The following SPATA13 variants were observed in gnomAD, a reference collection of about 807,000 sequenced individuals.
SPATA13 encodes spermatogenesis associated 13.
SPATA13 carries 50 observed loss-of-function variants against 104.0 expected under a neutral mutation model. The observed-to-expected ratio is 0.48, with a 90% CI of 0.38 to 0.61. SPATA13 has a LOEUF of 0.61. Ranked by LOEUF, SPATA13 falls within the 20% of genes least tolerant of loss-of-function variation. SPATA13 has a pLI of 0.00. For missense variants in SPATA13, 1,524 were observed against 1,690.6 expected (o/e 0.90, Z 1.73); for synonymous variants, 606 against 667.5 (o/e 0.91, Z 1.42).
chr13:24,291,757 T>TTTG (rs1555277167), intron 9 of SPATA13, among the ~76,000 whole-genome samples: 1 of 80,008 alleles, frequency 1.2e-5, no homozygotes, highest in African/African-American at 5.5e-5. Context: ...TATTTTTTTA[T>TTTG]TTTTTTTTTT....
chr13:24,031,642 G>A (rs1877485534), intron 3 of SPATA13, among the ~76,000 whole-genome samples: 2 of 152,176 alleles, frequency 1.3e-5, no homozygotes, highest in Admixed American at 1.3e-4. Context: ...CATACATTGA[G>A]CTTATGTCAG....
chr13:24,177,515 T>C (rs4624011), intron 1 of SPATA13, among the ~76,000 whole-genome samples: 117,118 of 152,180 alleles, frequency 0.77, 47,787 homozygotes, highest in East Asian at 0.92. Context: ...GACACAGTCT[T>C]ACTCTGCAAT....
At chr13:24,103,742 G>A (rs1176347855) in intron 3 of SPATA13, among the ~76,000 whole-genome samples, 1 of 152,116 alleles carries the variant, frequency 6.6e-6, no homozygotes, top group African/African-American at 2.4e-5. Flanking sequence ...AGGGAAAGAA[G>A]GGAGGAAGGA....
chr13:24,140,515 G>A (rs112623675), intron 3 of SPATA13, among the ~76,000 whole-genome samples: 1 of 152,188 alleles, frequency 6.6e-6, no homozygotes, highest in Admixed American at 6.5e-5. Context: ...CAAGGGTCAC[G>A]TGCAGAAGCA....
Position 24,178,324 on chromosome 13 carries a change from G to C in SPATA13, c.-112+17392G>C, listed in dbSNP as rs76220971. ...AAATACTTGTGGAATTAGCAGAAAT[G>C]TATTGAACTGCATTATGATACGGCT... is the stretch of plus-strand genomic sequence containing the variant. On this transcript the variant is annotated intron_variant, in intron 1 of 12. Coordinates refer to ENST00000382108, the MANE Select transcript of SPATA13 (RefSeq NM_001166271.3). 2.0e-3 allele frequency among the ~76,000 whole-genome samples: 301 copies of C among 152,304 alleles called. 8 individuals carry two copies. The East Asian group carries it at 0.05, about 25-fold the overall frequency.
At position 24,088,468 on chromosome 13, in the gene SPATA13, A is replaced by G. The variant is rs1294593319; in HGVS notation, c.-112+70767A>G. The stretch of plus-strand genomic sequence containing the variant: ...AGAACCCAAGCCCATCACCCTGGAC[A>G]TTGACACTTCTCTTAGGGAAACACT... On this transcript the variant is annotated intron_variant, in intron 3 of 14. Coordinates refer to the SPATA13 transcript ENST00000424834. The surrounding 1 kb of genome is among the most constrained non-coding windows in gnomAD (Gnocchi z 4.3). 6.6e-6 allele frequency among the ~76,000 whole-genome samples: 1 copy of G among 152,144 alleles called. No homozygotes were observed. Among genetic ancestry groups the G allele is most frequent in the African/African-American group, 2.4e-5 (1 of 41,438 alleles).
intron 3 of SPATA13, among the ~76,000 whole-genome samples, chr13:24,021,038 C>T (rs1244080202): frequency 6.6e-6 from 1 of 152,172 alleles, no homozygotes; most frequent in East Asian, 1.9e-4. Flanking sequence ...GAGACTCCAT[C>T]TCAATAAATA....
At chr13:24,131,081 A>G (rs528195314) in intron 3 of SPATA13, among the ~76,000 whole-genome samples, 2 of 152,244 alleles carry the variant, frequency 1.3e-5, no homozygotes, top group Non-Finnish European at 2.9e-5. Context: ...AGGAAATTCA[A>G]GAGATTTTCA....
intron 3 of SPATA13, among the ~76,000 whole-genome samples, chr13:24,047,059 G>A (rs925638421): frequency 6.6e-6 from 1 of 152,126 alleles, no homozygotes; most frequent in African/African-American, 2.4e-5. Context: ...CTGCTGATTG[G>A]TTGGGGATGA....
chr13:24,290,001 C>T (rs1008522370), intron 8 of SPATA13, among the ~76,000 whole-genome samples: 5 of 152,114 alleles, frequency 3.3e-5, no homozygotes, highest in African/African-American at 9.7e-5. Flanking sequence ...CCATGTGTGA[C>T]GTGGGCATAT....
At chr13:24,019,417 A>G (rs1283452281) in intron 3 of SPATA13, among the ~76,000 whole-genome samples, 2 of 152,192 alleles carry the variant, frequency 1.3e-5, no homozygotes, top group African/African-American at 4.8e-5. Flanking sequence ...GAAAAACAGT[A>G]TATAGTTTTA....
chr13:24,027,133 C>T (rs762013450), intron 3 of SPATA13, among the ~76,000 whole-genome samples: 10 of 90,616 alleles, frequency 1.1e-4, no homozygotes, highest in South Asian at 8.1e-4. Context: ...TTTGTTTAGC[C>T]GTTTTTTTTT....
At chr13:24,034,405 T>C (rs1244138281) in intron 3 of SPATA13, 4 of 152,206 alleles carry the variant, frequency 2.6e-5, no homozygotes, top group African/African-American at 9.7e-5. Context: ...GTCCAATCAC[T>C]TAATGCAAAA....
chr13:24,102,535 C>G (rs111534108), intron 3 of SPATA13, among the ~76,000 whole-genome samples: 1 of 147,390 alleles, frequency 6.8e-6, no homozygotes, highest in South Asian at 2.1e-4. Context: ...AGTGCAGTGG[C>G]GCAATCTTGG....
At chr13:24,134,504 CCAGGCCTGGATTAG>C (rs1260153389) in intron 3 of SPATA13, among the ~76,000 whole-genome samples, 1 of 152,142 alleles carries the variant, frequency 6.6e-6, no homozygotes, top group African/African-American at 2.4e-5. Context: ...GCAGCTTAAG[CCAGGCCTGGATTAG>C]CAAAGCATCC....
intron 2 of SPATA13, among the ~76,000 whole-genome samples, chr13:24,229,531 C>T (rs1872143896): frequency 6.6e-6 from 1 of 152,108 alleles, no homozygotes; most frequent in Non-Finnish European, 1.5e-5. Flanking sequence ...ACTGACTGCC[C>T]ACTGTGTGGT....
At position 24,274,105 on chromosome 13, in the gene SPATA13, G is replaced by T. The variant is rs149262747; in HGVS notation, c.2165-10030G>T. On this transcript the variant is annotated intron_variant, in intron 4 of 12. Transcript: ENST00000382108. The stretch of plus-strand genomic sequence containing the variant: ...TGGAAGGATTTTGTCCTATTCGTTG[G>T]AATAAGGAACATTCAGTGGTACACA... Among the ~76,000 whole-genome samples, 126 of 152,298 alleles carry T rather than the reference G, an allele frequency of 8.3e-4. No homozygotes were observed. In the East Asian group the frequency reaches 0.021, roughly 25 times the overall value.
In SPATA13 at chr13:24,290,774, G is replaced by A; in HGVS notation, c.2970G>A (p.Gln990=). The change falls in exon 9 of 13, where the codon CAG becomes CAA. Residue 990 remains glutamine, a synonymous_variant. Transcript: ENST00000382108. ...RHFFEACRLL[Q]QMIDIAIDGF... The stretch of plus-strand genomic sequence containing the variant: ...TCTTTGAAGCCTGCCGCCTGCTGCA[G>A]CAGATGATTGACATCGCCATCGACG... The A allele has an allele frequency of 6.2e-7, 1 of 1,614,224 alleles. No homozygotes were observed. The highest frequency in any genetic ancestry group is 8.5e-7 in the Non-Finnish European group (1 of 1,180,038).
intron 3 of SPATA13, among the ~76,000 whole-genome samples, chr13:24,107,708 A>G (rs964798494): frequency 2.6e-5 from 4 of 152,172 alleles, no homozygotes; most frequent in African/African-American, 9.7e-5. Context: ...GAAACTATAG[A>G]CTTGGTAAGA....
Sources: allele counts gnomAD v4.1 joint callset (sites outside exome capture counted in the v4.1 genomes callset), GRCh38; gene constraint gnomAD v4.1.1; non-coding constraint Gnocchi (gnomAD v3.1); transcripts MANE v1.5; gene names NCBI Gene and HGNC (gene_info 2026-07-23, HGNC 2026-07-21).